Variants in CHST8 observed in about 807,000 individuals in gnomAD.
The protein encoded by CHST8 is carbohydrate sulfotransferase 8, also known as GALNAC-4-ST1.
CHST8 carries 10 observed loss-of-function variants against 15.0 expected under a neutral mutation model. That is an observed-to-expected ratio of 0.67 (90% CI 0.41 to 1.13). The LOEUF is 1.13. Ranked by LOEUF, CHST8 falls within the 50% of genes most tolerant of loss-of-function variation. CHST8 has a pLI of 0.00. For missense variants in CHST8, 634 were observed against 608.2 expected (o/e 1.04, Z -0.45); for synonymous variants, 259 against 256.6 (o/e 1.01, Z -0.09).
At chr19:33,742,641 C>T (rs1195479071) in intron 3 of CHST8, among the ~76,000 whole-genome samples, 1 of 152,200 alleles carries the variant, frequency 6.6e-6, no homozygotes, top group East Asian at 1.9e-4. Context: ...AACATCCAAA[C>T]CATAACAGTG....
At chr19:33,630,596 G>A (rs552498493) in intron 1 of CHST8, among the ~76,000 whole-genome samples, 20 of 151,786 alleles carry the variant, frequency 1.3e-4, no homozygotes, top group Middle Eastern at 3.4e-3. Flanking sequence ...GTGTGGTGCA[G>A]GCAGTCTGTC....
chr19:33,731,376 G>C (rs1186348912), intron 3 of CHST8, among the ~76,000 whole-genome samples: 1 of 152,226 alleles, frequency 6.6e-6, no homozygotes, highest in Non-Finnish European at 1.5e-5. Context: ...GACCATAAAG[G>C]GTAAATTCTA....
At chr19:33,626,622 T>C (rs1972056856) in intron 1 of CHST8, among the ~76,000 whole-genome samples, 1 of 152,112 alleles carries the variant, frequency 6.6e-6, no homozygotes, top group Non-Finnish European at 1.5e-5. Context: ...AAAAAGAGCC[T>C]AGCACCTACC....
chr19:33,689,222 G>GC lies in CHST8; in HGVS notation c.-34dup. 2.0e-6 allele frequency: 3 copies of GC among 1,501,552 alleles called. No homozygotes were observed. The highest frequency in any genetic ancestry group is 2.5e-5 in the East Asian group (1 of 40,274). The allele number at this position is 1,501,552 out of a possible 1,614,324, so 93.0% of individuals were successfully genotyped here. A position where few individuals can be genotyped will look rare whatever the true frequency, so the allele number is the denominator to read the frequency against. ...GGTGTGGACGATGAGGGAAGAACGT[G>GC]CCCCCCACACCCAAGAGGTGACCCC... On this transcript the variant is annotated 5_prime_UTR_variant, in exon 3 of 5. An upstream open reading frame in the 5' UTR gains an earlier in-frame stop. Transcript: ENST00000650847.
chr19:33,699,173 C>T (rs1370668270), intron 3 of CHST8, among the ~76,000 whole-genome samples: 1 of 152,164 alleles, frequency 6.6e-6, no homozygotes, highest in African/African-American at 2.4e-5. Context: ...CTGTACATGC[C>T]CATCTGTGTG....
chr19:33,674,284 T>A (rs1365395221), intron 2 of CHST8, among the ~76,000 whole-genome samples: 1 of 152,180 alleles, frequency 6.6e-6, no homozygotes, highest in Non-Finnish European at 1.5e-5. Context: ...CCAGGTGCAC[T>A]GTCACCTAGG....
chr19:33,723,461 G>T (rs980669725), intron 3 of CHST8, among the ~76,000 whole-genome samples: 1 of 152,206 alleles, frequency 6.6e-6, no homozygotes, highest in Admixed American at 6.5e-5. Context: ...TTACCCTTGA[G>T]TCCTCTCTCT....
intron 3 of CHST8, 100 bp downstream of exon 3, chr19:33,689,491 G>C (rs943915554): frequency 1.2e-5 from 16 of 1,351,388 alleles, no homozygotes; most frequent in Non-Finnish European, 1.6e-5. Context: ...TGGGGGAAAG[G>C]GGCAAGTCTG....
intron 1 of CHST8, among the ~76,000 whole-genome samples, chr19:33,626,977 A>G (rs1972061869): frequency 6.6e-6 from 1 of 151,014 alleles, no homozygotes; most frequent in Non-Finnish European, 1.5e-5. Context: ...TTTTATAGAG[A>G]TGGGGTCTCC....
intron 3 of CHST8, among the ~76,000 whole-genome samples, chr19:33,733,449 G>T (rs1247582740): frequency 6.6e-6 from 1 of 152,028 alleles, no homozygotes; most frequent in Non-Finnish European, 1.5e-5. Context: ...TGGCCAAGCT[G>T]GTCTTGAAGT....
intron 3 of CHST8, among the ~76,000 whole-genome samples, chr19:33,766,259 G>A (rs1198051694): frequency 4.0e-5 from 6 of 148,506 alleles, no homozygotes; most frequent in African/African-American, 7.5e-5. Context: ...TCTCTTTCCC[G>A]CCTCCATATA....
At chr19:33,659,766 G>T (rs542603780) in intron 1 of CHST8, among the ~76,000 whole-genome samples, 1 of 151,974 alleles carries the variant, frequency 6.6e-6, no homozygotes, top group Non-Finnish European at 1.5e-5. Context: ...AGCTGTGATC[G>T]CACCCCTGCA....
At chr19:33,666,003 G>T (rs547411827) in intron 1 of CHST8, among the ~76,000 whole-genome samples, 1 of 152,366 alleles carries the variant, frequency 6.6e-6, no homozygotes, top group Admixed American at 6.5e-5. Flanking sequence ...CCGGGACGGG[G>T]TGTCGGAAAC....
At chr19:33,740,291 C>A (rs1168783554) in intron 3 of CHST8, among the ~76,000 whole-genome samples, 1 of 152,146 alleles carries the variant, frequency 6.6e-6, no homozygotes, top group Non-Finnish European at 1.5e-5. Flanking sequence ...TCAGTGACGC[C>A]CAGGGACCTT....
chr19:33,707,788 A>G (rs1265166354), intron 3 of CHST8, among the ~76,000 whole-genome samples: 1 of 152,298 alleles, frequency 6.6e-6, no homozygotes, highest in Admixed American at 6.5e-5. Flanking sequence ...TAGAATGGCT[A>G]GGTTGTAATA....
At chr19:33,635,616 G>A (rs1278179652) in intron 1 of CHST8, among the ~76,000 whole-genome samples, 1 of 152,138 alleles carries the variant, frequency 6.6e-6, no homozygotes, top group Admixed American at 6.5e-5. Flanking sequence ...GGGTGGGGGG[G>A]TGACAACACC....
At chr19:33,769,904 G>A (rs1460509065) in intron 3 of CHST8, among the ~76,000 whole-genome samples, 3 of 152,106 alleles carry the variant, frequency 2.0e-5, no homozygotes, top group Admixed American at 6.5e-5. Context: ...AGCCCAAAGG[G>A]ACAAGCGGAA....
At chr19:33,660,401 G>T (rs1343525274) in intron 1 of CHST8, among the ~76,000 whole-genome samples, 2 of 152,152 alleles carry the variant, frequency 1.3e-5, no homozygotes, top group African/African-American at 2.4e-5. Flanking sequence ...CGTTCGTGGT[G>T]GGGGCAGAGA....
At chr19:33,693,672 G>T (rs1973142657) in intron 3 of CHST8, among the ~76,000 whole-genome samples, 1 of 152,116 alleles carries the variant, frequency 6.6e-6, no homozygotes, top group Admixed American at 6.5e-5. Context: ...GTCTGATAAG[G>T]ATTCACGTTG....
Sources: allele counts gnomAD v4.1 joint callset (sites outside exome capture counted in the v4.1 genomes callset), GRCh38; gene constraint gnomAD v4.1.1; transcripts MANE v1.5; gene names NCBI Gene and HGNC (gene_info 2026-07-23, HGNC 2026-07-21).